The following BMAL1 variants were observed in gnomAD, a reference collection of about 807,000 sequenced individuals.
The protein encoded by BMAL1 is basic helix-loop-helix ARNT-like protein 1.
At chr11:13,365,599 T>A in the BMAL1 span, 1 of 1,611,564 alleles carries the variant, frequency 6.2e-7, no homozygotes, top group Non-Finnish European at 8.5e-7. Context: ...CCAGGTATTG[T>A]TCATGCTCCT....
the BMAL1 span, chr11:13,276,799 A>C: frequency 6.6e-6 from 1 of 152,230 alleles, no homozygotes; most frequent in East Asian, 1.9e-4. Flanking sequence ...AGATGCAAAA[A>C]TAAGTCACTT....
chr11:13,337,385 T>C, the BMAL1 span, among the ~76,000 whole-genome samples: 1 of 152,198 alleles, frequency 6.6e-6, no homozygotes, highest in Non-Finnish European at 1.5e-5. Flanking sequence ...CACTAATGAA[T>C]ACTAATTAAA....
the BMAL1 span, among the ~76,000 whole-genome samples, chr11:13,327,225 C>T: frequency 9.9e-6 from 1 of 101,128 alleles, no homozygotes; most frequent in African/African-American, 3.2e-5. Context: ...AAGACCACTT[C>T]TCTTTTATGA....
the BMAL1 span, chr11:13,356,995 A>G: frequency 1.2e-6 from 2 of 1,611,912 alleles, no homozygotes; most frequent in African/African-American, 2.7e-5. Context: ...AGCAATGTGT[A>G]ACTTTGCCAT....
chr11:13,286,898 G>A, the BMAL1 span, among the ~76,000 whole-genome samples: 2 of 152,212 alleles, frequency 1.3e-5, no homozygotes, highest in African/African-American at 4.8e-5. Context: ...GTTTGCAGGA[G>A]AGAGCAGAGC....
the BMAL1 span, among the ~76,000 whole-genome samples, chr11:13,311,704 C>T: frequency 2.8e-4 from 43 of 152,224 alleles, no homozygotes; most frequent in South Asian, 6.2e-3. Flanking sequence ...TCTTTGGAGC[C>T]AAGCTGTGTT....
chr11:13,315,348 A>G, the BMAL1 span, among the ~76,000 whole-genome samples: 2 of 152,172 alleles, frequency 1.3e-5, no homozygotes, highest in African/African-American at 4.8e-5. Flanking sequence ...AACCTCCCTG[A>G]TAAGAAGGCT....
the BMAL1 span, among the ~76,000 whole-genome samples, chr11:13,305,902 T>C: frequency 6.6e-6 from 1 of 152,192 alleles, no homozygotes; most frequent in Non-Finnish European, 1.5e-5. Flanking sequence ...TTGTGCTCCT[T>C]GGCATTTCTG....
At chr11:13,368,845 C>A in the BMAL1 span, among the ~76,000 whole-genome samples, 33 of 152,048 alleles carry the variant, frequency 2.2e-4, no homozygotes, top group Non-Finnish European at 3.2e-4. Context: ...TTTCTGGTAG[C>A]CAGACTTTAA....
chr11:13,381,076 A>C, the BMAL1 span: 1 of 1,379,240 alleles, frequency 7.3e-7, no homozygotes, highest in African/African-American at 1.4e-5. Context: ...CTAGATCTTC[A>C]TCCCCTTTCT....
At chr11:13,321,099 C>T in the BMAL1 span, among the ~76,000 whole-genome samples, 2 of 152,184 alleles carry the variant, frequency 1.3e-5, no homozygotes, top group East Asian at 3.8e-4. Context: ...TTCACTCTGC[C>T]TTTCCTCCAG....
At chr11:13,283,092 T>G in the BMAL1 span, among the ~76,000 whole-genome samples, 1 of 152,346 alleles carries the variant, frequency 6.6e-6, no homozygotes, top group African/African-American at 2.4e-5. Flanking sequence ...AGTACTGGCA[T>G]GTAATGGAGA....
At chr11:13,356,700 T>G in the BMAL1 span, 2 of 1,612,350 alleles carry the variant, frequency 1.2e-6, no homozygotes. Flanking sequence ...TCTGTATGTC[T>G]TTATTAACAT....
At chr11:13,296,255 A>T in the BMAL1 span, among the ~76,000 whole-genome samples, 1 of 152,148 alleles carries the variant, frequency 6.6e-6, no homozygotes, top group Non-Finnish European at 1.5e-5. Flanking sequence ...GGGCTTTCCC[A>T]GCCCTTTCCC....
chr11:13,278,281 G>C, the BMAL1 span, among the ~76,000 whole-genome samples: 2 of 152,230 alleles, frequency 1.3e-5, no homozygotes, highest in Non-Finnish European at 2.9e-5. Context: ...CTACCTGGCG[G>C]GGGGAGGGGG....
At chr11:13,323,531 T>G in the BMAL1 span, among the ~76,000 whole-genome samples, 1 of 152,228 alleles carries the variant, frequency 6.6e-6, no homozygotes, top group Non-Finnish European at 1.5e-5. Context: ...AGGCCTAAAA[T>G]GTGGGCATCA....
chr11:13,345,998 G>T, the BMAL1 span, among the ~76,000 whole-genome samples: 6 of 152,186 alleles, frequency 3.9e-5, no homozygotes, highest in African/African-American at 1.2e-4. Flanking sequence ...TGAATGGGAA[G>T]GTCCCAGGCA....
chr11:13,350,818 C>T, the BMAL1 span, among the ~76,000 whole-genome samples: 1 of 152,160 alleles, frequency 6.6e-6, no homozygotes, highest in Non-Finnish European at 1.5e-5. Flanking sequence ...AAACATGTCA[C>T]TTTTGGTCCC....
At chr11:13,306,572 A>G in the BMAL1 span, among the ~76,000 whole-genome samples, 1 of 152,210 alleles carries the variant, frequency 6.6e-6, no homozygotes, top group Non-Finnish European at 1.5e-5. Context: ...TCACAGAGGA[A>G]GTCTGGCTGC....
Sources: gnomAD v4.1 joint callset for allele counts (sites outside exome capture counted in the v4.1 genomes callset) on GRCh38, gnomAD v4.1.1 for gene constraint, MANE v1.5 for transcripts, NCBI Gene and HGNC (gene_info 2026-07-23, HGNC 2026-07-21) for gene names.